The following KIR2DL1 variants were observed in gnomAD, a reference collection of about 807,000 sequenced individuals.
KIR2DL1 encodes killer cell immunoglobulin like receptor, two Ig domains and long cytoplasmic tail 1, also known as killer cell immunoglobulin-like receptor 2DL1.
Under a neutral mutation model 33.9 loss-of-function variants are expected in KIR2DL1, and 38 were observed. The observed-to-expected ratio is 1.12, with a 90% confidence interval of 0.86 to 1.47. The LOEUF (loss-of-function observed/expected upper bound fraction) is 1.47. Among genes scored for constraint, KIR2DL1 ranks in the 40% most tolerant of loss-of-function variants. The pLI, the probability that KIR2DL1 is intolerant of heterozygous loss-of-function variation, is 0.00. For synonymous variants in KIR2DL1, 179 were observed against 165.9 expected, an observed-to-expected ratio of 1.08 and a Z score of -0.61; for missense variants, 531 against 433.9, an observed-to-expected ratio of 1.22 and a Z score of -1.99.
chr19:54,769,794 T>A lies in KIR2DL1; in HGVS notation c.-57T>A, dbSNP rs558289587. The A allele has an allele frequency of 7.0e-5, 109 of 1,548,366 alleles. 6 individuals carry two copies. The African/African-American group carries it at 1.4e-3, about 20-fold the overall frequency. On this transcript the variant is annotated 5_prime_UTR_variant, in exon 1 of 8. Transcript: ENST00000336077. Reference sequence around the variant, plus strand: ...TGCATGGGCAGGGCGCCAAATAACATCCTGTGCGCTGCTGAGCTGAGCTCG... The same window carrying A: ...TGCATGGGCAGGGCGCCAAATAACAACCTGTGCGCTGCTGAGCTGAGCTCG...
chr19:54,774,660 A>C (rs1339620420), intron 3 of KIR2DL1, among the ~76,000 whole-genome samples: 1 of 148,382 alleles, frequency 6.7e-6, no homozygotes, highest in African/African-American at 2.5e-5. Context: ...ATACAGAGGC[A>C]GACATAGAGA....
chr19:54,777,780 G>C (rs2916006), intron 4 of KIR2DL1, among the ~76,000 whole-genome samples: 7,119 of 123,428 alleles, frequency 0.058, 5 homozygotes, highest in Middle Eastern at 0.13. Flanking sequence ...CCAATATTTT[G>C]TTCTACGTGT....
In KIR2DL1 at chr19:54,784,061, A is replaced by T. The variant is rs2077400864; in HGVS notation, c.*248A>T. ...AACCCACAGTTCTCCATTTCACTTG[A>T]CCCCTGCCCACCTCTCCAACCTAAC... On this transcript the variant is annotated 3_prime_UTR_variant, in exon 8 of 8. Transcript: ENST00000336077. The T allele has an allele frequency of 1.6e-6, 1 of 624,610 alleles. No homozygotes were observed. Among genetic ancestry groups the T allele is most frequent in the Middle Eastern group, 4.2e-4 (1 of 2,396 alleles). 38.7% of individuals were successfully genotyped at this position (624,610 alleles called of 1,614,324 possible). A position where few individuals can be genotyped will look rare whatever the true frequency, so the allele number is the denominator to read the frequency against.
chr19:54,773,392 ACAGT>A lies in KIR2DL1; in HGVS notation c.133_136del (p.Val45SerfsTer45), dbSNP rs1289028351. ...AGGTCGCCTGGTGAAATCAGAAGAG[ACAGT>A]CATCCTGCAGTGTTGGTCAGATGTC... On this transcript the variant is annotated frameshift_variant, in exon 3 of 8. Transcript: ENST00000336077. LOFTEE classifies it high-confidence loss of function. 1.2e-5 allele frequency: 19 copies of A among 1,597,568 alleles called. No homozygotes were observed. The highest frequency in any genetic ancestry group is 1.6e-5 in the Non-Finnish European group (19 of 1,169,034).
At position 54,769,829 on chromosome 19, in the gene KIR2DL1, G is replaced by A. The variant is rs560554031; in HGVS notation, c.-22G>A. On this transcript the variant is annotated 5_prime_UTR_variant, in exon 1 of 8. Coordinates refer to ENST00000336077, the MANE Select transcript of KIR2DL1 (RefSeq NM_014218.3). ...TGCTGAGCTGAGCTCGGTCGCGGCT[G>A]CCTGTCTGCTCCGGCAGCACCATGT... 1.9e-6 allele frequency: 3 copies of A among 1,568,230 alleles called. No homozygotes were observed. Among genetic ancestry groups the A allele is most frequent in the African/African-American group, 1.4e-5 (1 of 73,244 alleles).
At chr19:54,779,096 G>C (rs777788595) in intron 5 of KIR2DL1, among the ~76,000 whole-genome samples, 4 of 147,764 alleles carry the variant, frequency 2.7e-5, no homozygotes, top group African/African-American at 4.9e-5. Context: ...CGCAGAGAAA[G>C]AGCCTTGCCG....
intron 4 of KIR2DL1, among the ~76,000 whole-genome samples, chr19:54,776,632 CT>C (rs2076374985): frequency 9.0e-6 from 1 of 111,520 alleles, no homozygotes; most frequent in Non-Finnish European, 2.0e-5. Context: ...TATGAAAGTT[CT>C]CTTTTTTTTT....
Position 54,783,548 on chromosome 19 carries a change from C to T in KIR2DL1, c.870+10C>T, listed in dbSNP as rs1292289559. The stretch of plus-strand genomic sequence containing the variant: ...AACAGCGAATAGCGAGGTAGGTACT[C>T]CTCGGCCCGGGCTCGTGGCTACTGT... On this transcript the variant is annotated intron_variant, in intron 7 of 7. Coordinates refer to ENST00000336077, the MANE Select transcript of KIR2DL1 (RefSeq NM_014218.3). The T allele has an allele frequency of 1.9e-6, 3 of 1,613,874 alleles. No homozygotes were observed. Among genetic ancestry groups the T allele is most frequent in the South Asian group, 2.2e-5 (2 of 91,072 alleles).
intron 3 of KIR2DL1, among the ~76,000 whole-genome samples, chr19:54,774,471 A>G (rs2076100265): frequency 6.7e-6 from 1 of 148,222 alleles, no homozygotes; most frequent in Non-Finnish European, 1.5e-5. Context: ...TCCAAAGAGA[A>G]CTAGAGAGAC....
intron 4 of KIR2DL1, among the ~76,000 whole-genome samples, chr19:54,776,077 A>G (rs74365404): frequency 0.13 from 15,347 of 121,962 alleles, 243 homozygotes; most frequent in Middle Eastern, 0.21. Context: ...TTTTTAGTAG[A>G]GAGGTGGTTT....
intron 4 of KIR2DL1, among the ~76,000 whole-genome samples, chr19:54,775,717 T>C (rs2076250585): frequency 1.3e-5 from 2 of 148,684 alleles, no homozygotes; most frequent in African/African-American, 4.9e-5. Context: ...GGAGGGAGAC[T>C]GGGCTCAGTT....
intron 2 of KIR2DL1, among the ~76,000 whole-genome samples, chr19:54,772,128 G>A (rs1466599811): frequency 1.3e-5 from 2 of 148,268 alleles, no homozygotes; most frequent in Non-Finnish European, 3.0e-5. Context: ...GACTGAAGGA[G>A]AAGATGGAGC....
intron 5 of KIR2DL1, 122 bp from the exon 6 acceptor site, chr19:54,782,800 C>T (rs35297315): frequency 0.15 from 153,365 of 1,005,814 alleles, 367 homozygotes; most frequent in African/African-American, 0.23. Flanking sequence ...GGTCTCCTGC[C>T]ATCTGGGTGC....
intron 5 of KIR2DL1, among the ~76,000 whole-genome samples, chr19:54,781,704 C>T (rs2076971102): frequency 6.6e-6 from 1 of 152,074 alleles, no homozygotes; most frequent in African/African-American, 2.4e-5. Context: ...CCCGAGATCA[C>T]AAAGAGCAGC....
intron 2 of KIR2DL1, among the ~76,000 whole-genome samples, chr19:54,771,615 G>A (rs1194971474): frequency 6.8e-6 from 1 of 147,840 alleles, no homozygotes; most frequent in African/African-American, 2.5e-5. Context: ...CCCCACGGTG[G>A]TCAGGACAAG....
In KIR2DL1 at chr19:54,783,764, C is replaced by A. The variant is rs914100704; in HGVS notation, c.998C>A (p.Thr333Lys). 1.9e-6 allele frequency: 3 copies of A among 1,613,374 alleles called. No individual in the cohort carries two copies. The highest frequency in any genetic ancestry group is 1.3e-5 in the African/African-American group (1 of 74,844). The change falls in exon 8 of 8, where the codon ACG becomes AAG. Residue 333 changes from threonine to lysine, a missense_variant. By Grantham distance (78) the Thr-to-Lys change is moderately conservative. Transcript: ENST00000336077. ...KTPPTDIIVY[T>K]ELPNAESRSK... is the part of the protein sequence containing the mutation. ...CCCCCAACAGATATCATCGTGTACA[C>A]GGAACTTCCAAATGCTGAGTCCAGA... is the stretch of plus-strand genomic sequence containing the variant.
At chr19:54,774,891 A>G (rs1182830983) in intron 3 of KIR2DL1, among the ~76,000 whole-genome samples, 891 of 148,480 alleles carry the variant, frequency 6.0e-3, no homozygotes, top group African/African-American at 0.021. Flanking sequence ...AATTAAAAAA[A>G]GTAACATCAA....
chr19:54,775,246 C>A lies in KIR2DL1; in HGVS notation c.452C>A (p.Ser151Tyr). ...AGENVTLSCS[S>Y]RSSYDMYHLS... is the part of the protein sequence containing the mutation. ...GAGAATGTGACCTTGTCCTGCAGCT[C>A]CCGGAGCTCCTATGACATGTACCAT... Residue 151 changes from serine to tyrosine, a missense_variant, in exon 4 of 8, where the codon TCC becomes TAC. By Grantham distance (144) the Ser-to-Tyr change is moderately radical. Coordinates refer to ENST00000336077, the MANE Select transcript of KIR2DL1 (RefSeq NM_014218.3). The A allele has an allele frequency of 6.2e-7, 1 of 1,603,176 alleles. No homozygotes were observed. The highest frequency in any genetic ancestry group is 8.5e-7 in the Non-Finnish European group (1 of 1,172,238).
At chr19:54,773,770 A>G in intron 3 of KIR2DL1, 138 bp downstream of exon 3, 1 of 980,356 alleles carries the variant, frequency 1.0e-6, no homozygotes, top group South Asian at 1.5e-5. Flanking sequence ...GGTCTGTGCC[A>G]ACAGAGACAG....
Sources: gnomAD v4.1 joint callset for allele counts (sites outside exome capture counted in the v4.1 genomes callset) on GRCh38, gnomAD v4.1.1 for gene constraint, MANE v1.5 for transcripts, NCBI Gene and HGNC (gene_info 2026-07-23, HGNC 2026-07-21) for gene names.